Variants in SCN3A observed in about 807,000 individuals in gnomAD.
SCN3A encodes sodium channel protein type 3 subunit alpha.
In SCN3A, 60 loss-of-function variants were observed where a neutral mutation model predicts 187.6. That is an observed-to-expected ratio of 0.32 (90% confidence interval 0.26 to 0.40). The LOEUF is 0.40. Among genes scored for constraint, SCN3A ranks in the 10% least tolerant of loss-of-function variants. The pLI is 1.00. For missense variants in SCN3A, 1,601 were observed against 2,428.2 expected, an observed-to-expected ratio of 0.66 and a Z score of 7.16; for synonymous variants, 788 against 829.2, an observed-to-expected ratio of 0.95 and a Z score of 0.85.
intron 16 of SCN3A, among the ~76,000 whole-genome samples, chr2:165,130,752 C>T (rs1435181380): frequency 6.6e-6 from 1 of 151,972 alleles, no homozygotes; most frequent in African/African-American, 2.4e-5. Context: ...AAAAAATACA[C>T]ATTTTGCTTA....
chr2:165,183,795 G>A (rs1691044058), intron 2 of SCN3A, among the ~76,000 whole-genome samples: 1 of 152,116 alleles, frequency 6.6e-6, no homozygotes, highest in African/African-American at 2.4e-5. Context: ...ATGGAAACAA[G>A]ATTGTGTCAG....
chr2:165,155,934 G>A (rs748505963), intron 9 of SCN3A, 31 bp from the exon 10 acceptor site: 2 of 1,613,534 alleles, frequency 1.2e-6, no homozygotes, highest in Non-Finnish European at 1.7e-6. Flanking sequence ...GGTAGGGTCA[G>A]TTTAGAAATT....
chr2:165,184,685 AG>A (rs1264910317), intron 2 of SCN3A, among the ~76,000 whole-genome samples: 7 of 152,132 alleles, frequency 4.6e-5, no homozygotes, highest in Non-Finnish European at 8.8e-5. Flanking sequence ...ATTTCCACAT[AG>A]GAGATAAAGC....
intron 18 of SCN3A, among the ~76,000 whole-genome samples, chr2:165,120,445 A>G (rs1385628388): frequency 6.6e-6 from 1 of 151,652 alleles, no homozygotes; most frequent in Non-Finnish European, 1.5e-5. Flanking sequence ...GATAGAAGAG[A>G]ATGTTAGCAA....
chr2:165,186,434 G>A (rs1021859482), intron 2 of SCN3A, 117 bp downstream of exon 2: 2 of 152,150 alleles, frequency 1.3e-5, no homozygotes, highest in African/African-American at 4.8e-5. Context: ...GGTAGAGGAA[G>A]GAAGAAAACA....
chr2:165,119,027 G>T (rs188631170), intron 18 of SCN3A, among the ~76,000 whole-genome samples: 1 of 152,284 alleles, frequency 6.6e-6, no homozygotes, highest in East Asian at 1.9e-4. Context: ...CTCCCAAAGT[G>T]CTGGGATTAC....
intron 18 of SCN3A, among the ~76,000 whole-genome samples, chr2:165,121,607 C>T (rs1437240310): frequency 1.3e-5 from 2 of 152,172 alleles, no homozygotes; most frequent in East Asian, 3.8e-4. Flanking sequence ...AACTAATTCT[C>T]AGTTATCCCT....
chr2:165,182,154 G>T (rs1257614117), intron 2 of SCN3A, among the ~76,000 whole-genome samples: 1 of 152,138 alleles, frequency 6.6e-6, no homozygotes, highest in Non-Finnish European at 1.5e-5. Flanking sequence ...AGAGCTCAAA[G>T]CTCCCACACA....
At chr2:165,162,254 CT>C (rs60156545) in intron 9 of SCN3A, 53 bp downstream of exon 9, 1,686 of 1,336,200 alleles carry the variant, frequency 1.3e-3, no homozygotes, top group Non-Finnish European at 1.5e-3. Context: ...TTCCTACCTA[CT>C]TTTTTTTTTC....
intron 9 of SCN3A, among the ~76,000 whole-genome samples, chr2:165,157,268 G>A (rs1489177740): frequency 1.3e-5 from 2 of 151,946 alleles, no homozygotes; most frequent in East Asian, 1.9e-4. Context: ...GATACACATC[G>A]CATTTAGTAG....
chr2:165,134,818 G>A (rs1477043059), intron 15 of SCN3A, among the ~76,000 whole-genome samples: 1 of 151,840 alleles, frequency 6.6e-6, no homozygotes, highest in African/African-American at 2.4e-5. Flanking sequence ...TATTTAAGGT[G>A]AGCTAGAACC....
chr2:165,091,618 A>C (rs1314888674), intron 27 of SCN3A, among the ~76,000 whole-genome samples: 1 of 152,196 alleles, frequency 6.6e-6, no homozygotes, highest in Non-Finnish European at 1.5e-5. Context: ...ATTTATATGA[A>C]TTGTTATCCC....
At chr2:165,144,882 T>C (rs1688227467) in intron 12 of SCN3A, among the ~76,000 whole-genome samples, 1 of 152,190 alleles carries the variant, frequency 6.6e-6, no homozygotes, top group South Asian at 2.1e-4. Context: ...AAATATTTGT[T>C]GATTGGACTG....
chr2:165,153,256 A>T (rs1415627599), intron 11 of SCN3A, among the ~76,000 whole-genome samples: 2 of 152,170 alleles, frequency 1.3e-5, no homozygotes, highest in Admixed American at 6.5e-5. Context: ...AAAAAAGTGA[A>T]TCTCAACATA....
At chr2:165,146,546 A>G (rs560173742) in intron 12 of SCN3A, among the ~76,000 whole-genome samples, 193 bp downstream of exon 12, 1 of 150,668 alleles carries the variant, frequency 6.6e-6, no homozygotes, top group East Asian at 1.9e-4. Context: ...CAAAATGGTG[A>G]ACATTTTATT....
chr2:165,098,703 C>G (rs537377970), intron 22 of SCN3A, among the ~76,000 whole-genome samples: 1 of 152,330 alleles, frequency 6.6e-6, no homozygotes, highest in East Asian at 1.9e-4. Context: ...AAGTTTGGTA[C>G]ACACCACCAC....
intron 13 of SCN3A, 161 bp from the exon 14 acceptor site, chr2:165,139,769 TTA>T: frequency 1.6e-5 from 14 of 889,766 alleles, no homozygotes; most frequent in South Asian, 3.3e-5. Flanking sequence ...AGTTTTTTTT[TTA>T]AAAAAAAGTT....
chr2:165,191,323 T>A (rs755132828), intron 1 of SCN3A, among the ~76,000 whole-genome samples: 4 of 152,058 alleles, frequency 2.6e-5, no homozygotes, highest in Non-Finnish European at 5.9e-5. Context: ...CAGAGTGATT[T>A]GAGAACATAG....
chr2:165,100,517 A>G (rs1408316690), intron 21 of SCN3A, 93 bp from the exon 22 acceptor site: 15 of 1,308,800 alleles, frequency 1.1e-5, no homozygotes, highest in Non-Finnish European at 1.5e-5. Flanking sequence ...CAGACTAAAT[A>G]CTAATTTGGA....
Sources: allele counts gnomAD v4.1 joint callset (sites outside exome capture counted in the v4.1 genomes callset), GRCh38; gene constraint gnomAD v4.1.1; transcripts MANE v1.5; gene names NCBI Gene and HGNC (gene_info 2026-07-23, HGNC 2026-07-21).